The following PRKCH variants were observed in gnomAD, a reference collection of about 807,000 sequenced individuals.
The protein encoded by PRKCH is protein kinase C eta type.
In PRKCH, 28 loss-of-function variants were observed where a neutral mutation model predicts 82.5. The observed-to-expected ratio is 0.34, with a 90% CI of 0.25 to 0.47. The LOEUF is 0.47. Among genes scored for constraint, PRKCH ranks in the 20% least tolerant of loss-of-function variants. The pLI, the probability that PRKCH is intolerant of heterozygous loss-of-function variation, is 1.00. For synonymous variants in PRKCH, 322 were observed against 327.4 expected (o/e 0.98, Z 0.18); for missense variants, 705 against 881.8 (o/e 0.80, Z 2.54).
At chr14:61,414,221 C>T (rs1215153180) in intron 2 of PRKCH, among the ~76,000 whole-genome samples, 1 of 152,088 alleles carries the variant, frequency 6.6e-6, no homozygotes, top group Admixed American at 6.6e-5. Context: ...CCCTGAGTTC[C>T]AGCTTCCTGT....
At chr14:61,226,954 C>G (rs1293844460) in intron 1 of PRKCH, among the ~76,000 whole-genome samples, 1 of 152,186 alleles carries the variant, frequency 6.6e-6, no homozygotes, top group Non-Finnish European at 1.5e-5. Flanking sequence ...CTAGGCTTTT[C>G]ACAGTGAAAG....
chr14:61,452,196 A>G (rs1884542754), intron 6 of PRKCH, among the ~76,000 whole-genome samples: 1 of 152,078 alleles, frequency 6.6e-6, no homozygotes, highest in Non-Finnish European at 1.5e-5. Context: ...AGGCTTCTGT[A>G]GGCTCGTGTG....
rs150828133 is a variant in PRKCH, at chr14:61,527,772, C to T, written c.1434-1303C>T. On this transcript the variant is annotated intron_variant, in intron 10 of 13. Transcript: ENST00000332981. ...CAGCACTCCTCTGTCCTGTGCTGCC[C>T]GCCCCTCAGCCTCCTCCACCATACC... 1.8e-3 allele frequency among the ~76,000 whole-genome samples: 276 copies of T among 152,224 alleles called. 3 individuals are homozygous for T. The highest frequency in any genetic ancestry group is 6.5e-3 in the African/African-American group (268 of 41,518).
intron 5 of PRKCH, among the ~76,000 whole-genome samples, chr14:61,450,215 GT>G (rs1332357358): frequency 2.0e-5 from 3 of 152,180 alleles, no homozygotes; most frequent in African/African-American, 7.2e-5. Flanking sequence ...TGGATCTGTT[GT>G]TATAGCATCA....
chr14:61,306,531 T>C (rs2045486788), intron 1 of PRKCH: 1 of 152,226 alleles, frequency 6.6e-6, no homozygotes, highest in Non-Finnish European at 1.5e-5. Context: ...TCACATTGTG[T>C]TTCCTTTCTC....
rs112740584 is a variant in PRKCH, at chr14:61,428,112, C to CATATATATATATATAT, written c.428-14994_428-14979dup. On this transcript the variant is annotated intron_variant, in intron 2 of 13. Coordinates refer to ENST00000332981, the MANE Select transcript of PRKCH (RefSeq NM_006255.5). ...ACACACACACATATATATATACACACATATATATATATATATATATGTATC... is the reference window on the plus strand; with the variant it reads ...ACACACACACATATATATATACACACATATATATATATATATATATATATATATATATATATGTATC... 3.3e-3 allele frequency among the ~76,000 whole-genome samples: 484 copies of CATATATATATATATAT among 145,534 alleles called. 4 individuals carry two copies. Among genetic ancestry groups the CATATATATATATATAT allele is most frequent in the African/African-American group, 0.012 (457 of 37,516 alleles).
chr14:61,232,272 C>A (rs1340861653), intron 1 of PRKCH, among the ~76,000 whole-genome samples: 1 of 152,234 alleles, frequency 6.6e-6, no homozygotes, highest in African/African-American at 2.4e-5. Flanking sequence ...GTTGCCCAGG[C>A]TGGAATGCAG....
intron 2 of PRKCH, 31 bp from the exon 3 acceptor site, chr14:61,443,080 T>C (rs1884053261): frequency 5.0e-6 from 8 of 1,599,484 alleles, no homozygotes; most frequent in Admixed American, 1.7e-5. Flanking sequence ...CCTTACATCT[T>C]ATTCTTTTTT....
At chr14:61,311,165 G>A (rs2045521012) in intron 1 of PRKCH, among the ~76,000 whole-genome samples, 1 of 152,232 alleles carries the variant, frequency 6.6e-6, no homozygotes, top group African/African-American at 2.4e-5. Flanking sequence ...CATTGTCTTG[G>A]CAATTAACAT....
In PRKCH at chr14:61,322,453, T is replaced by G; in HGVS notation, c.352T>G (p.Phe118Val). The G allele has an allele frequency of 6.3e-7, 1 of 1,595,736 alleles. No individual in the cohort carries two copies. ...LLRTTGASDT[F>V]EGWVDLEPEG... is the part of the protein sequence containing the mutation. ...GCGCACGACCGGCGCCTCGGACACCTTCGAGGGTTGGGTGAGTAGCGGTGA... is the reference window on the plus strand; with the variant it reads ...GCGCACGACCGGCGCCTCGGACACCGTCGAGGGTTGGGTGAGTAGCGGTGA... Residue 118 changes from phenylalanine (F) to valine (V), a missense_variant, in exon 1 of 14, where the codon TTC becomes GTC. By Grantham distance (50) the Phe-to-Val change is conservative. Transcript: ENST00000332981.
chr14:61,306,710 C>T (rs566292553), intron 1 of PRKCH: 13 of 152,286 alleles, frequency 8.5e-5, no homozygotes, highest in Admixed American at 5.2e-4. Flanking sequence ...AACTTAATAA[C>T]GTACGAAAAC....
At chr14:61,241,276 G>C (rs2044834767) in intron 1 of PRKCH, among the ~76,000 whole-genome samples, 1 of 152,214 alleles carries the variant, frequency 6.6e-6, no homozygotes, top group African/African-American at 2.4e-5. Context: ...CCACCTTCCA[G>C]GACCCTCCAC....
chr14:61,525,336 C>G (rs1238259268), intron 10 of PRKCH: 1 of 152,202 alleles, frequency 6.6e-6, no homozygotes, highest in Non-Finnish European at 1.5e-5. Context: ...TTAAATAGCA[C>G]TTGGTATGAG....
At chr14:61,433,473 C>A (rs572237394) in intron 2 of PRKCH, among the ~76,000 whole-genome samples, 1 of 152,278 alleles carries the variant, frequency 6.6e-6, no homozygotes, top group Admixed American at 6.5e-5. Flanking sequence ...TTTGGTTGGA[C>A]AGGTTGTTTG....
chr14:61,374,835 C>CCTATTATCTTGCCTATTAA (rs2046410529), intron 1 of PRKCH, among the ~76,000 whole-genome samples: 1 of 151,624 alleles, frequency 6.6e-6, no homozygotes, highest in Non-Finnish European at 1.5e-5. Flanking sequence ...GGAGATCTTC[C>CCTATTATCTTGCCTATTAA]CATTATCTTG....
At position 61,280,479 on chromosome 14, in the gene PRKCH, C is replaced by A. The variant is rs147819638; in HGVS notation, c.-19+92811C>A. ...GCCGGCGCCAGTTGGGCGGGGGCGC[C>A]GTGCCCTGGAAGGCCAACGCCAGGC... On this transcript the variant is annotated intron_variant, in intron 1 of 3. Coordinates refer to the PRKCH transcript ENST00000555185. This position sits in a 1 kb window ranked among gnomAD's most constrained non-coding sequence, Gnocchi z 5.0. 1,539 of 1,613,200 alleles carry A rather than the reference C, an allele frequency of 9.5e-4. 12 individuals carry two copies. The African/African-American group carries it at 0.018, about 19-fold the overall frequency.
intron 1 of PRKCH, among the ~76,000 whole-genome samples, chr14:61,221,334 A>T (rs930831805): frequency 1.3e-5 from 2 of 152,168 alleles, no homozygotes; most frequent in Non-Finnish European, 2.9e-5. Context: ...TTACAAGTAT[A>T]GACAAAATCA....
chr14:61,299,144 A>C (rs2045429267), intron 1 of PRKCH, among the ~76,000 whole-genome samples: 1 of 152,184 alleles, frequency 6.6e-6, no homozygotes, highest in Non-Finnish European at 1.5e-5. Flanking sequence ...CCATGAGAAC[A>C]CAGTGTATAG....
chr14:61,466,497 A>G (rs1001037036), intron 9 of PRKCH, among the ~76,000 whole-genome samples: 3 of 152,016 alleles, frequency 2.0e-5, no homozygotes, highest in Non-Finnish European at 2.9e-5. Flanking sequence ...AGAGGAACAA[A>G]GACTAGGGGG....
Sources: gnomAD v4.1 joint callset for allele counts (sites outside exome capture counted in the v4.1 genomes callset) on GRCh38, gnomAD v4.1.1 for gene constraint, Gnocchi (gnomAD v3.1) non-coding constraint, MANE v1.5 for transcripts, NCBI Gene and HGNC (gene_info 2026-07-23, HGNC 2026-07-21) for gene names.